IL16: variants seen among roughly 807,000 people sequenced by gnomAD.
The protein encoded by IL16 is pro-interleukin-16.
A neutral mutation model predicts 110.1 loss-of-function variants in IL16; 67 were observed. The observed-to-expected ratio is 0.61, with a 90% CI of 0.50 to 0.75. The LOEUF is 0.75. IL16 is among the 30% of genes least tolerant of loss of function. IL16 has a pLI of 0.00. For synonymous variants in IL16, 689 were observed against 662.9 expected (o/e 1.04, Z -0.61); for missense variants, 1,545 against 1,655.0 (o/e 0.93, Z 1.15).
intron 2 of IL16, among the ~76,000 whole-genome samples, chr15:81,228,084 G>A (rs1896846828): frequency 6.6e-6 from 1 of 152,070 alleles, no homozygotes; most frequent in Non-Finnish European, 1.5e-5. Context: ...GAGAATTCCA[G>A]GCGAAGGGAC....
rs1595967387 is a variant in IL16 at position 81,226,663 on chromosome 15, G to A, written c.312+952G>A. Among the ~76,000 whole-genome samples, 11 of 152,248 alleles carry A rather than the reference G, an allele frequency of 7.2e-5. No individual in the cohort carries two copies. In the South Asian group the frequency reaches 2.3e-3, roughly 32 times the overall value. On this transcript the variant is annotated intron_variant, in intron 2 of 18. Transcript: ENST00000683961. ...CAACATTTGTGTTAAGGGCCTTAAGGACTCCACAGCATCCTTAAGAGCCTC... is the reference window on the plus strand; with the variant it reads ...CAACATTTGTGTTAAGGGCCTTAAGAACTCCACAGCATCCTTAAGAGCCTC...
chr15:81,188,362 G>T (rs1386380528), intron 1 of IL16: 1 of 456,164 alleles, frequency 2.2e-6, no homozygotes, highest in African/African-American at 2.0e-5. Context: ...GAGGGTGTGT[G>T]GAGCACTGCG....
At chr15:81,222,771 CAT>C (rs1491053521) in intron 1 of IL16, among the ~76,000 whole-genome samples, 11 of 151,240 alleles carry the variant, frequency 7.3e-5, no homozygotes, top group Non-Finnish European at 1.6e-4. Flanking sequence ...CACACACACA[CAT>C]ACCCACACAC....
intron 6 of IL16, among the ~76,000 whole-genome samples, chr15:81,275,797 C>T (rs1169042589): frequency 6.6e-6 from 1 of 152,180 alleles, no homozygotes; most frequent in Non-Finnish European, 1.5e-5. Context: ...ATATTTGAAT[C>T]TTGAATTCAG....
At chr15:81,283,456 C>G (rs1158341999) in intron 9 of IL16, among the ~76,000 whole-genome samples, 1 of 152,120 alleles carries the variant, frequency 6.6e-6, no homozygotes, top group Non-Finnish European at 1.5e-5. Flanking sequence ...TCAATGTCAA[C>G]TGGGAACTTG....
intron 4 of IL16, among the ~76,000 whole-genome samples, chr15:81,269,089 T>A (rs889895040): frequency 6.6e-6 from 1 of 152,258 alleles, no homozygotes; most frequent in Non-Finnish European, 1.5e-5. Flanking sequence ...AGTTTTGAAG[T>A]CTTTGGGCTC....
chr15:81,267,703 G>T (rs187834775), intron 4 of IL16, among the ~76,000 whole-genome samples: 57 of 152,308 alleles, frequency 3.7e-4, no homozygotes, highest in African/African-American at 1.3e-3. Flanking sequence ...GCAGGCTCAA[G>T]CCCAGGAAGG....
chr15:81,298,831 C>A (rs905131037), intron 13 of IL16, among the ~76,000 whole-genome samples: 4 of 152,230 alleles, frequency 2.6e-5, no homozygotes, highest in African/African-American at 9.6e-5. Context: ...GCGTGAAGAG[C>A]TGTGGGAAGC....
chr15:81,297,143 A>T (rs2141597067), intron 13 of IL16, 65 bp downstream of exon 13: 2 of 1,520,194 alleles, frequency 1.3e-6, no homozygotes, highest in East Asian at 4.6e-5. Flanking sequence ...GGATAAGATA[A>T]GAGCACAAAT....
At chr15:81,232,042 G>GTTTTTTTTTGT (rs1897009578) in intron 2 of IL16, among the ~76,000 whole-genome samples, 1 of 57,694 alleles carries the variant, frequency 1.7e-5, no homozygotes, top group Non-Finnish European at 3.3e-5. Context: ...ATTTGTTCTT[G>GTTTTTTTTTGT]TTTTTTTTTT....
At chr15:81,194,815 G>A (rs1473705596), upstream of IL16, among the ~76,000 whole-genome samples, 1 of 152,068 alleles carries the variant, frequency 6.6e-6, no homozygotes, top group Non-Finnish European at 1.5e-5. Context: ...ATTTCATCTG[G>A]CAGACAATTA....
intron 1 of IL16, among the ~76,000 whole-genome samples, chr15:81,186,595 T>C (rs1895423214): frequency 6.6e-6 from 1 of 152,242 alleles, no homozygotes; most frequent in African/African-American, 2.4e-5. Context: ...CAGTAATTTA[T>C]TTAACCATTC....
At chr15:81,190,871 G>A (rs1306672699) in intron 1 of IL16, among the ~76,000 whole-genome samples, 1 of 152,130 alleles carries the variant, frequency 6.6e-6, no homozygotes, top group Non-Finnish European at 1.5e-5. Context: ...AGAAGGAATG[G>A]GTAGGGTGAT....
At chr15:81,300,614 C>T (rs1274592739) in intron 14 of IL16, 139 bp downstream of exon 14, 11 of 580,060 alleles carry the variant, frequency 1.9e-5, no homozygotes, top group Non-Finnish European at 2.6e-5. Flanking sequence ...TCTTTCTTTC[C>T]ATGTGTGTGC....
At position 81,311,962 on chromosome 15, in the gene IL16, G is replaced by C. The variant is rs1900879335; in HGVS notation, c.*3164G>C. ...GCACATTTAAGAGACAGTCACCCCA[G>C]GACTCAAAAATAGGGAAGTAACAGT... On this transcript the variant is annotated 3_prime_UTR_variant, in exon 19 of 19. Transcript: ENST00000683961. The C allele has an allele frequency of 6.6e-6, 1 of 152,178 alleles. No homozygotes were observed. Among genetic ancestry groups the C allele is most frequent in the Admixed American group, 6.5e-5 (1 of 15,280 alleles). 9.4% of individuals were successfully genotyped at this position (152,178 alleles called of 1,614,324 possible).
chr15:81,305,426 G>A (rs2141635599), intron 16 of IL16, among the ~76,000 whole-genome samples: 1 of 152,194 alleles, frequency 6.6e-6, no homozygotes, highest in Non-Finnish European at 1.5e-5. Flanking sequence ...CACTGTGCGG[G>A]GCCAAGGTGA....
intron 2 of IL16, 141 bp from the exon 3 acceptor site, chr15:81,259,631 C>A: frequency 1.7e-6 from 1 of 581,888 alleles, no homozygotes; most frequent in South Asian, 2.1e-5. Context: ...ATTCTAAATC[C>A]CTGCTCTTAT....
intron 12 of IL16, among the ~76,000 whole-genome samples, chr15:81,295,955 C>T (rs1049836142): frequency 6.6e-6 from 1 of 152,168 alleles, no homozygotes; most frequent in East Asian, 1.9e-4. Context: ...ATGAACCGGA[C>T]GTGGAGGCCA....
chr15:81,238,962 G>A (rs1459071281), intron 2 of IL16, among the ~76,000 whole-genome samples: 1 of 147,138 alleles, frequency 6.8e-6, no homozygotes, highest in Non-Finnish European at 1.5e-5. Context: ...TGACCTTCAT[G>A]TTTTCAGATG....
Sources: allele counts gnomAD v4.1 joint callset (sites outside exome capture counted in the v4.1 genomes callset), GRCh38; gene constraint gnomAD v4.1.1; transcripts MANE v1.5; gene names NCBI Gene and HGNC (gene_info 2026-07-23, HGNC 2026-07-21).